The following PDZD8 variants were observed in gnomAD, a reference collection of about 807,000 sequenced individuals.
The protein encoded by PDZD8 is PDZ domain containing 8.
In PDZD8, 14 loss-of-function variants were observed where a neutral mutation model predicts 85.8. The observed-to-expected ratio is 0.16, with a 90% CI of 0.11 to 0.26. The LOEUF (loss-of-function observed/expected upper bound fraction) is 0.26, where lower values mean the gene tolerates loss of function less well. Ranked by LOEUF, PDZD8 falls within the 10% of genes least tolerant of loss-of-function variation. PDZD8 has a pLI of 1.00. For missense variants in PDZD8, 1,197 were observed against 1,424.3 expected (o/e 0.84, Z 2.57); for synonymous variants, 592 against 568.6 (o/e 1.04, Z -0.59).
chr10:117,295,160 C>A (rs903030956), intron 3 of PDZD8, among the ~76,000 whole-genome samples: 1 of 151,778 alleles, frequency 6.6e-6, no homozygotes. Context: ...ACAAAAAAAA[C>A]CCACCACCAC....
intron 3 of PDZD8, among the ~76,000 whole-genome samples, chr10:117,298,115 A>C (rs890477784): frequency 2.0e-5 from 3 of 152,104 alleles, no homozygotes; most frequent in African/African-American, 7.2e-5. Context: ...CCTACCCATA[A>C]TTGGAATTAC....
chr10:117,363,560 G>C (rs1845033459), intron 1 of PDZD8, among the ~76,000 whole-genome samples: 1 of 152,134 alleles, frequency 6.6e-6, no homozygotes, highest in African/African-American at 2.4e-5. Flanking sequence ...AAAGTAGTTA[G>C]GTTGCAAGTT....
At chr10:117,342,956 C>T (rs186371973) in intron 1 of PDZD8, among the ~76,000 whole-genome samples, 2 of 152,304 alleles carry the variant, frequency 1.3e-5, no homozygotes, top group Admixed American at 1.3e-4. Context: ...TCCCCTCTTT[C>T]GCACTCGGCC....
At chr10:117,299,411 C>A (rs1425058413) in intron 3 of PDZD8, among the ~76,000 whole-genome samples, 22 of 152,154 alleles carry the variant, frequency 1.4e-4, no homozygotes, top group Admixed American at 1.4e-3. Flanking sequence ...AATCAGTTTT[C>A]CAGACTTTTA....
At chr10:117,309,809 A>G (rs1258007785) in intron 3 of PDZD8, among the ~76,000 whole-genome samples, 13 of 152,140 alleles carry the variant, frequency 8.5e-5, no homozygotes, top group African/African-American at 2.9e-4. Flanking sequence ...TCATACAACC[A>G]TAAGAAGCAT....
chr10:117,335,257 G>A (rs1844497331), intron 2 of PDZD8, among the ~76,000 whole-genome samples: 1 of 152,114 alleles, frequency 6.6e-6, no homozygotes, highest in South Asian at 2.1e-4. Flanking sequence ...TAAATTTCCA[G>A]GTAAGCAAAA....
rs1470546354 is a variant in PDZD8, at chr10:117,278,387, G to A, written c.*4881C>T. Reference sequence around the variant, plus strand: ...AAAATAATAGTGATCAGGCAGAAAAGAAAAATGGAACATCTAAAAATGTAT... The same window carrying A: ...AAAATAATAGTGATCAGGCAGAAAAAAAAAATGGAACATCTAAAAATGTAT... On this transcript the variant is annotated 3_prime_UTR_variant, in exon 5 of 5. Coordinates refer to ENST00000334464, the MANE Select transcript of PDZD8 (RefSeq NM_173791.5). 1 of 152,170 alleles carries A rather than the reference G, an allele frequency of 6.6e-6. No individual in the cohort carries two copies. The highest frequency in any genetic ancestry group is 1.5e-5 in the Non-Finnish European group (1 of 68,014). 9.4% of individuals were successfully genotyped at this position (152,170 alleles called of 1,614,324 possible).
chr10:117,278,457 A>T lies in PDZD8; in HGVS notation c.*4811T>A, dbSNP rs1844531576. 6.6e-6 allele frequency: 1 copy of T among 152,208 alleles called. No individual in the cohort carries two copies. Among genetic ancestry groups the T allele is most frequent in the Non-Finnish European group, 1.5e-5 (1 of 68,028 alleles). The allele number at this position is 152,208 out of a possible 1,614,324, so 9.4% of individuals were successfully genotyped here. On this transcript the variant is annotated 3_prime_UTR_variant, in exon 5 of 5. Transcript: ENST00000334464. ...GTGTGCAGTGTTGTGTATTTTTCTAAGCATGACAACATTGATGTGCCTTTT... is the reference window on the plus strand; with the variant it reads ...GTGTGCAGTGTTGTGTATTTTTCTATGCATGACAACATTGATGTGCCTTTT...
At chr10:117,298,614 G>A (rs912047383) in intron 3 of PDZD8, among the ~76,000 whole-genome samples, 2 of 151,952 alleles carry the variant, frequency 1.3e-5, no homozygotes, top group Non-Finnish European at 2.9e-5. Context: ...ATATATATCT[G>A]ATATCAGGAC....
intron 2 of PDZD8, among the ~76,000 whole-genome samples, chr10:117,330,660 T>C (rs899120754): frequency 5.9e-5 from 9 of 152,242 alleles, no homozygotes; most frequent in African/African-American, 2.2e-4. Flanking sequence ...ATGAGGCATT[T>C]ACTTCCTCAC....
intron 4 of PDZD8, among the ~76,000 whole-genome samples, chr10:117,286,975 T>C (rs1011231846): frequency 5.3e-5 from 8 of 152,172 alleles, no homozygotes; most frequent in Non-Finnish European, 5.9e-5. Context: ...TGTAAATCTT[T>C]CCTGTTTCCC....
At chr10:117,373,604 C>CAAAAAAAAAAAAAAAAAA (rs796930758) in intron 1 of PDZD8, among the ~76,000 whole-genome samples, 1 of 52,426 alleles carries the variant, frequency 1.9e-5, no homozygotes. Flanking sequence ...CTAAAAAATA[C>CAAAAAAAAAAAAAAAAAA]AAAAAAAAAA....
At chr10:117,328,920 T>C (rs540138721) in intron 2 of PDZD8, among the ~76,000 whole-genome samples, 6 of 152,296 alleles carry the variant, frequency 3.9e-5, no homozygotes, top group Admixed American at 6.5e-5. Flanking sequence ...TTGAAAAACA[T>C]GGAAATTTCT....
At chr10:117,350,357 C>T (rs1485839433) in intron 1 of PDZD8, among the ~76,000 whole-genome samples, 3 of 150,610 alleles carry the variant, frequency 2.0e-5, no homozygotes, top group Admixed American at 6.6e-5. Flanking sequence ...TTCTGCCTCC[C>T]GGATTCAAGC....
chr10:117,313,758 TC>T (rs1354965558), intron 3 of PDZD8, among the ~76,000 whole-genome samples: 3 of 59,684 alleles, frequency 5.0e-5, no homozygotes, highest in African/African-American at 1.3e-4. Flanking sequence ...TGATTACTTT[TC>T]CTTTACACTA....
At chr10:117,347,864 G>A (rs1367508990) in intron 1 of PDZD8, among the ~76,000 whole-genome samples, 1 of 152,154 alleles carries the variant, frequency 6.6e-6, no homozygotes, top group Non-Finnish European at 1.5e-5. Flanking sequence ...GATATTATAT[G>A]ACTCCATTCA....
intron 1 of PDZD8, among the ~76,000 whole-genome samples, chr10:117,355,824 T>C (rs761714146): frequency 1.3e-5 from 2 of 152,198 alleles, no homozygotes; most frequent in Non-Finnish European, 2.9e-5. Flanking sequence ...TTTAATGATA[T>C]GACATATACC....
chr10:117,305,774 A>C (rs932082024), intron 3 of PDZD8, among the ~76,000 whole-genome samples: 1 of 152,170 alleles, frequency 6.6e-6, no homozygotes, highest in Non-Finnish European at 1.5e-5. Flanking sequence ...GATAGCTAAG[A>C]AGCTGCTGAA....
intron 1 of PDZD8, among the ~76,000 whole-genome samples, chr10:117,350,350 T>A (rs1264332896): frequency 6.6e-6 from 1 of 150,678 alleles, no homozygotes; most frequent in Non-Finnish European, 1.5e-5. Flanking sequence ...CTGCAACTTC[T>A]GCCTCCCGGA....
Sources: allele counts gnomAD v4.1 joint callset (sites outside exome capture counted in the v4.1 genomes callset), GRCh38; gene constraint gnomAD v4.1.1; transcripts MANE v1.5; gene names NCBI Gene and HGNC (gene_info 2026-07-23, HGNC 2026-07-21).